Variants in SIPA1L3 observed in about 807,000 individuals in gnomAD.
SIPA1L3 encodes the protein signal induced proliferation associated 1 like 3, also known as signal-induced proliferation-associated 1-like protein 3.
Under a neutral mutation model 150.1 loss-of-function variants are expected in SIPA1L3, and 59 were observed. The observed-to-expected ratio is 0.39, with a 90% CI of 0.32 to 0.49. The LOEUF (loss-of-function observed/expected upper bound fraction) is 0.49. Ranked by LOEUF, SIPA1L3 falls within the 20% of genes least tolerant of loss-of-function variation. The probability of loss-of-function intolerance (pLI) is 0.86; values close to 1 mark genes in which losing one functional copy is unlikely to be tolerated. For missense variants in SIPA1L3, 2,211 were observed against 2,489.5 expected, an observed-to-expected ratio of 0.89 and a Z score of 2.38; for synonymous variants, 1,070 against 1,077.6, an observed-to-expected ratio of 0.99 and a Z score of 0.14.
chr19:38,154,191 T>C (rs1351965943), intron 13 of SIPA1L3, among the ~76,000 whole-genome samples: 1 of 152,208 alleles, frequency 6.6e-6, no homozygotes, highest in Non-Finnish European at 1.5e-5. Context: ...GTTACATTTG[T>C]GACAGCCAGC....
rs750314771 is a variant in SIPA1L3, at chr19:38,082,795, C to A, written c.1230C>A (p.Asn410Lys). Residue 410 changes from asparagine (N) to lysine (K), a missense_variant, in exon 3 of 22, where the codon AAC (asparagine) becomes AAA (lysine). By Grantham distance (94) the Asn-to-Lys change is moderately conservative. Around this residue, in one of 5 missense-constraint regions of SIPA1L3, gnomAD observed 587 missense variants for 534.5 expected, o/e 1.10. Coordinates refer to ENST00000222345, the MANE Select transcript of SIPA1L3 (RefSeq NM_015073.3). ...TSTEDLNCKE[N>K]LEQDLGDDNS... ...CAGAGGACCTAAACTGCAAGGAGAA[C>A]TTGGAGCAGGACCTCGGCGATGACA... The A allele has an allele frequency of 1.1e-5, 17 of 1,613,416 alleles. No homozygotes were observed. Among genetic ancestry groups the A allele is most frequent in the Non-Finnish European group, 1.4e-5 (17 of 1,179,904 alleles).
chr19:38,048,155 A>G (rs530663505), intron 2 of SIPA1L3, among the ~76,000 whole-genome samples: 1 of 152,280 alleles, frequency 6.6e-6, no homozygotes, highest in South Asian at 2.1e-4. Flanking sequence ...TTGTTTAACA[A>G]TTAAAAGATA....
intron 1 of SIPA1L3, among the ~76,000 whole-genome samples, chr19:37,926,374 G>A (rs149309519): frequency 6.9e-4 from 105 of 152,290 alleles, no homozygotes; most frequent in African/African-American, 2.4e-3. Flanking sequence ...GGCTTCTGAT[G>A]TTCGTCACTT....
At chr19:38,068,531 T>C (rs1969647557) in intron 2 of SIPA1L3, among the ~76,000 whole-genome samples, 4 of 152,142 alleles carry the variant, frequency 2.6e-5, no homozygotes, top group Admixed American at 2.0e-4. Context: ...CTGCCCCTCG[T>C]AACCTTTGCC....
intron 1 of SIPA1L3, among the ~76,000 whole-genome samples, chr19:38,018,813 C>T (rs1007871269): frequency 1.3e-5 from 2 of 152,100 alleles, no homozygotes; most frequent in Non-Finnish European, 1.5e-5. Context: ...CTAGTCTGGA[C>T]GGTACATTTT....
At chr19:38,190,501 G>T (rs1399955731) in intron 16 of SIPA1L3, among the ~76,000 whole-genome samples, 3 of 152,124 alleles carry the variant, frequency 2.0e-5, no homozygotes, top group Admixed American at 1.3e-4. Flanking sequence ...AAAAAACCTG[G>T]CCTTGCTCTC....
At chr19:38,126,249 A>T (rs535656042) in intron 9 of SIPA1L3, among the ~76,000 whole-genome samples, 1 of 152,260 alleles carries the variant, frequency 6.6e-6, no homozygotes, top group East Asian at 1.9e-4. Context: ...AGAGCTTAAA[A>T]GGGGGGTGTG....
intron 1 of SIPA1L3, among the ~76,000 whole-genome samples, chr19:38,008,216 G>GCTT (rs1968008165): frequency 1.2e-5 from 1 of 85,198 alleles, no homozygotes; most frequent in Non-Finnish European, 2.5e-5. Flanking sequence ...ACCATAGGCT[G>GCTT]CTTTTTTTTT....
intron 2 of SIPA1L3, among the ~76,000 whole-genome samples, chr19:38,069,814 G>A (rs925390611): frequency 1.3e-5 from 2 of 150,570 alleles, no homozygotes; most frequent in South Asian, 2.1e-4. Flanking sequence ...ACAGGCACGC[G>A]CCACTATACC....
intron 2 of SIPA1L3, among the ~76,000 whole-genome samples, chr19:38,045,802 G>T (rs922189048): frequency 6.6e-6 from 1 of 152,072 alleles, no homozygotes; most frequent in East Asian, 1.9e-4. Context: ...CCAAGGTGTC[G>T]CAGGTGGGGA....
intron 8 of SIPA1L3, among the ~76,000 whole-genome samples, chr19:38,111,540 A>G (rs1211365577): frequency 6.6e-6 from 1 of 152,210 alleles, no homozygotes; most frequent in Non-Finnish European, 1.5e-5. Flanking sequence ...GTGCTGGAGC[A>G]GAGGACGTGT....
At chr19:38,192,842 G>T (rs1318994734) in intron 17 of SIPA1L3, among the ~76,000 whole-genome samples, 1 of 152,152 alleles carries the variant, frequency 6.6e-6, no homozygotes, top group Non-Finnish European at 1.5e-5. Flanking sequence ...CCCCAGGGTT[G>T]GGTCCCACCA....
chr19:38,185,153 A>G (rs190567448), intron 16 of SIPA1L3: 2 of 152,422 alleles, frequency 1.3e-5, no homozygotes, highest in African/African-American at 4.8e-5. Context: ...CCTGGCCTTC[A>G]GTAGCCCAGG....
intron 4 of SIPA1L3, among the ~76,000 whole-genome samples, chr19:38,094,883 A>G (rs1407573625): frequency 6.6e-6 from 1 of 152,064 alleles, no homozygotes; most frequent in Non-Finnish European, 1.5e-5. Context: ...CCTGGTCAAC[A>G]TGGCAAAACT....
At chr19:38,031,552 G>GCC (rs1968654413) in intron 2 of SIPA1L3, among the ~76,000 whole-genome samples, 2 of 152,200 alleles carry the variant, frequency 1.3e-5, no homozygotes, top group Admixed American at 1.3e-4. Context: ...ATTTGGAACA[G>GCC]TGCCACACAG....
intron 1 of SIPA1L3, among the ~76,000 whole-genome samples, chr19:38,002,196 C>A (rs1187693264): frequency 1.3e-5 from 2 of 152,158 alleles, no homozygotes; most frequent in Non-Finnish European, 2.9e-5. Flanking sequence ...AAACAATATT[C>A]TCCATCCCCA....
chr19:38,190,205 G>A (rs1161897679), intron 16 of SIPA1L3, among the ~76,000 whole-genome samples: 1 of 152,222 alleles, frequency 6.6e-6, no homozygotes, highest in Non-Finnish European at 1.5e-5. Context: ...CACTGGCTGG[G>A]GGGCGTGCTG....
chr19:38,068,078 A>G (rs1386548084), intron 2 of SIPA1L3, among the ~76,000 whole-genome samples: 4 of 145,884 alleles, frequency 2.7e-5, no homozygotes, highest in Non-Finnish European at 6.0e-5. Flanking sequence ...GCTGGAGTGC[A>G]GTGGCGCTAT....
At chr19:37,940,862 G>A (rs2046648265) in intron 1 of SIPA1L3, among the ~76,000 whole-genome samples, 1 of 152,096 alleles carries the variant, frequency 6.6e-6, no homozygotes, top group South Asian at 2.1e-4. Flanking sequence ...GATTGCAGGA[G>A]TGAGCCACCA....
Sources: allele counts gnomAD v4.1 joint callset (sites outside exome capture counted in the v4.1 genomes callset), GRCh38; gene constraint gnomAD v4.1.1; regional missense constraint gnomAD v4.1.1; transcripts MANE v1.5; gene names NCBI Gene and HGNC (gene_info 2026-07-23, HGNC 2026-07-21).